The following DHX40 variants were observed in gnomAD, a reference collection of about 807,000 sequenced individuals.
DHX40 encodes DEAH-box helicase 40, also known as probable ATP-dependent RNA helicase DHX40.
DHX40 carries 28 observed loss-of-function variants against 89.6 expected under a neutral mutation model. The ratio of observed to expected loss-of-function variants is 0.31; its 90% confidence interval spans 0.23 to 0.43. The LOEUF (loss-of-function observed/expected upper bound fraction) is 0.43, where lower values mean the gene tolerates loss of function less well. Among genes scored for constraint, DHX40 ranks in the 20% least tolerant of loss-of-function variants. The pLI, the probability that DHX40 is intolerant of heterozygous loss-of-function variation, is 1.00. For synonymous variants in DHX40, 226 were observed against 283.6 expected (o/e 0.80, Z 2.04); for missense variants, 457 against 844.0 (o/e 0.54, Z 5.68).
intron 2 of DHX40, 127 bp downstream of exon 2, chr17:59,566,921 C>T: frequency 1.3e-6 from 1 of 767,654 alleles, no homozygotes; most frequent in East Asian, 3.3e-5. Flanking sequence ...TTGGCACACC[C>T]CCTTCCCCTA....
chr17:59,588,877 CT>C (rs1485037797), intron 12 of DHX40, among the ~76,000 whole-genome samples: 7 of 152,132 alleles, frequency 4.6e-5, no homozygotes, highest in African/African-American at 1.7e-4. Context: ...TAGATTTTCT[CT>C]TCTATTGTCT....
chr17:59,598,153 T>C (rs1180232049), intron 12 of DHX40, among the ~76,000 whole-genome samples: 2 of 152,088 alleles, frequency 1.3e-5, no homozygotes, highest in Non-Finnish European at 2.9e-5. Context: ...AGGTGTGAGC[T>C]ACCACACCTG....
intron 12 of DHX40, among the ~76,000 whole-genome samples, chr17:59,594,840 T>C (rs2029919783): frequency 6.6e-6 from 1 of 151,706 alleles, no homozygotes; most frequent in Admixed American, 6.6e-5. Flanking sequence ...CACACACAGC[T>C]GTTGAGAGTG....
At chr17:59,606,882 C>T in intron 17 of DHX40, 151 bp from the exon 18 acceptor site, 1 of 713,128 alleles carries the variant, frequency 1.4e-6, no homozygotes, top group Non-Finnish European at 2.3e-6. Flanking sequence ...TAACCATAGA[C>T]TACATTGCTT....
At position 59,577,253 on chromosome 17, in the gene DHX40, A is replaced by G. The variant is rs370569570; in HGVS notation, c.974-13A>G. 2 of 1,602,172 alleles carry G rather than the reference A, an allele frequency of 1.2e-6. No individual in the cohort carries two copies. The highest frequency in any genetic ancestry group is 1.7e-6 in the Non-Finnish European group (2 of 1,169,782). ...TGTTGTAAATTGGTATTTTCTTTTT[A>G]TATATACTTCAGATCAACAGAGGAG... On this transcript the variant is annotated splice_polypyrimidine_tract_variant and intron_variant, in intron 7 of 17. Coordinates refer to ENST00000251241, the MANE Select transcript of DHX40 (RefSeq NM_024612.5).
chr17:59,588,964 CT>C (rs1567881362), intron 12 of DHX40, among the ~76,000 whole-genome samples: 1 of 152,090 alleles, frequency 6.6e-6, no homozygotes, highest in Non-Finnish European at 1.5e-5. Flanking sequence ...AATGCCTTCG[CT>C]TCTTTGTTAA....
chr17:59,606,969 CTT>C, intron 17 of DHX40, 62 bp from the exon 18 acceptor site: 3 of 1,422,620 alleles, frequency 2.1e-6, no homozygotes, highest in Non-Finnish European at 2.9e-6. Flanking sequence ...TTCTCTTTCT[CTT>C]AACATTTCTA....
chr17:59,601,249 C>CA (rs2030506341), intron 14 of DHX40, among the ~76,000 whole-genome samples: 3 of 152,046 alleles, frequency 2.0e-5, no homozygotes, highest in Non-Finnish European at 4.4e-5. Context: ...ATCCAGGCTA[C>CA]AGTGAGCTGT....
At chr17:59,566,928 C>A in intron 2 of DHX40, 134 bp downstream of exon 2, 1 of 707,188 alleles carries the variant, frequency 1.4e-6, no homozygotes, top group Non-Finnish European at 2.1e-6. Context: ...ACCCCCTTCC[C>A]CTATGTCTCC....
At chr17:59,567,653 ACAGTGGCTCACGCCTGT>A (rs2048725526) in intron 2 of DHX40, among the ~76,000 whole-genome samples, 1 of 151,936 alleles carries the variant, frequency 6.6e-6, no homozygotes. Context: ...TTGGCTGGGC[ACAGTGGCTCACGCCTGT>A]AATCCCAGCA....
intron 2 of DHX40, among the ~76,000 whole-genome samples, chr17:59,569,964 A>C (rs1374874905): frequency 1.4e-5 from 2 of 143,520 alleles, no homozygotes; most frequent in East Asian, 4.0e-4. Flanking sequence ...GAGTTGCTTG[A>C]ACCTGGGACG....
chr17:59,567,911 G>A lies in DHX40; in HGVS notation c.280+1117G>A, dbSNP rs112622049. ...CGTGCCACTGTACTCCAGCCTGGGA[G>A]ACAGAGTGAGACTCCGTCTCCAAAA... On this transcript the variant is annotated intron_variant, in intron 2 of 17. Coordinates refer to ENST00000251241, the MANE Select transcript of DHX40 (RefSeq NM_024612.5). Among the ~76,000 whole-genome samples, 1,390 of 147,400 alleles carry A rather than the reference G, an allele frequency of 9.4e-3. 26 individuals carry two copies. Among genetic ancestry groups the A allele is most frequent in the African/African-American group, 0.033 (1,308 of 39,826 alleles).
chr17:59,606,758 A>G (rs535557787), intron 17 of DHX40, among the ~76,000 whole-genome samples: 5 of 152,076 alleles, frequency 3.3e-5, no homozygotes, highest in South Asian at 2.1e-4. Context: ...AAAAAAAAAA[A>G]AAAAGAAAAG....
In DHX40 at chr17:59,586,253, A is replaced by G. The variant is rs1391336758; in HGVS notation, c.1424+20A>G. Reference sequence around the variant, plus strand: ...TGACAGGTAAAAAAAAAAAAAAAAAATCACAATCAAAACAGATATTGATCT... The same window carrying G: ...TGACAGGTAAAAAAAAAAAAAAAAAGTCACAATCAAAACAGATATTGATCT... On this transcript the variant is annotated intron_variant, in intron 11 of 17. Transcript: ENST00000251241. 32 of 1,236,166 alleles carry G rather than the reference A, an allele frequency of 2.6e-5. 1 individual carries two copies. In the East Asian group the frequency reaches 4.7e-4, roughly 18 times the overall value. 76.6% of individuals were successfully genotyped at this position (1,236,166 alleles called of 1,614,324 possible).
chr17:59,569,975 C>T (rs2048769742), intron 2 of DHX40, among the ~76,000 whole-genome samples: 1 of 141,194 alleles, frequency 7.1e-6, no homozygotes, highest in Non-Finnish European at 1.5e-5. Flanking sequence ...ACCTGGGACG[C>T]AGAGGTTGCG....
Position 59,566,718 on chromosome 17 carries a change from C to G in DHX40, c.204C>G (p.Asp68Glu), listed in dbSNP as rs372442650. The change falls in exon 2 of 18, where the codon GAC becomes GAG. Residue 68 changes from aspartate (D) to glutamate (E), a missense_variant. Around this residue, in one of 9 missense-constraint regions of DHX40, gnomAD observed 61 missense variants for 100.4 expected, o/e 0.61. Coordinates refer to ENST00000251241, the MANE Select transcript of DHX40 (RefSeq NM_024612.5). ...AAAAGATTATTCAAGCTGTGAGGGA[C>G]AATTCATTCCTTATTGTTACTGGAA... is the stretch of plus-strand genomic sequence containing the variant. ...QRKKIIQAVRDNSFLIVTGNT... is the reference protein window; with the variant it reads ...QRKKIIQAVRENSFLIVTGNT... 1.9e-6 allele frequency: 3 copies of G among 1,603,808 alleles called. No individual in the cohort carries two copies. The highest frequency in any genetic ancestry group is 2.7e-5 in the African/African-American group (2 of 74,192).
At position 59,571,616 on chromosome 17, in the gene DHX40, A is replaced by C. The variant is rs550406775; in HGVS notation, c.426+953A>C. ...AACTTCTTTTTTTTTTTTGAGACGA[A>C]GTCTCACACCATTGCCCGGGCTGGA... On this transcript the variant is annotated intron_variant, in intron 3 of 17. Transcript: ENST00000251241. Among the ~76,000 whole-genome samples, 20 of 150,630 alleles carry C rather than the reference A, an allele frequency of 1.3e-4. No homozygotes were observed. In the South Asian group the frequency reaches 4.2e-3, roughly 32 times the overall value.
chr17:59,567,566 G>C (rs931337682), intron 2 of DHX40, among the ~76,000 whole-genome samples: 1 of 152,122 alleles, frequency 6.6e-6, no homozygotes, highest in Non-Finnish European at 1.5e-5. Context: ...CAGCTCATTG[G>C]AACACTGATT....
At chr17:59,594,156 A>C (rs1254065170) in intron 12 of DHX40, among the ~76,000 whole-genome samples, 2 of 151,536 alleles carry the variant, frequency 1.3e-5, no homozygotes, top group Non-Finnish European at 3.0e-5. Context: ...CAGGAAGACT[A>C]TGCTCTTAGC....
Sources: allele counts gnomAD v4.1 joint callset (sites outside exome capture counted in the v4.1 genomes callset), GRCh38; gene constraint gnomAD v4.1.1; regional missense constraint gnomAD v4.1.1; transcripts MANE v1.5; gene names NCBI Gene and HGNC (gene_info 2026-07-23, HGNC 2026-07-21).